The following NPHP3 variants were observed in gnomAD, a reference collection of about 807,000 sequenced individuals.
NPHP3 encodes the protein nephrocystin 3.
NPHP3 carries 123 observed loss-of-function variants against 171.9 expected under a neutral mutation model. The ratio of observed to expected loss-of-function variants is 0.72; its 90% CI spans 0.62 to 0.83. The LOEUF is 0.83. NPHP3 is among the 40% of genes least tolerant of loss of function. NPHP3 has a pLI of 0.00. For missense variants in NPHP3, 1,506 were observed against 1,591.9 expected, an observed-to-expected ratio of 0.95 and a Z score of 0.92; for synonymous variants, 558 against 579.2, an observed-to-expected ratio of 0.96 and a Z score of 0.52.
intron 17 of NPHP3, among the ~76,000 whole-genome samples, chr3:132,692,326 C>A (rs1378778066): frequency 6.6e-6 from 1 of 152,164 alleles, no homozygotes; most frequent in Non-Finnish European, 1.5e-5. Flanking sequence ...AATAATACCG[C>A]AATTCAATGA....
At chr3:132,710,533 G>A (rs1021180939) in intron 6 of NPHP3, among the ~76,000 whole-genome samples, 5 of 152,090 alleles carry the variant, frequency 3.3e-5, no homozygotes, top group South Asian at 4.1e-4. Flanking sequence ...CTCCTTCTAC[G>A]TAGGTTCAAG....
rs913198504 is a variant in NPHP3, at chr3:132,722,200, T to C, written c.156A>G (p.Ala52=). 2.3e-5 allele frequency: 34 copies of C among 1,510,210 alleles called. No individual in the cohort carries two copies. Among genetic ancestry groups the C allele is most frequent in the Non-Finnish European group, 8.8e-6 (10 of 1,138,322 alleles). 93.6% of individuals were successfully genotyped at this position (1,510,210 alleles called of 1,614,324 possible). The change falls in exon 1 of 27, where the codon GCA becomes GCG. Residue 52 remains alanine (A), a synonymous_variant. Coordinates refer to ENST00000337331, the MANE Select transcript of NPHP3 (RefSeq NM_153240.5). ...GCAGCGACCCGGGCCCGGCCCCTGC[T>C]GCCGCCCCCGCGCCTCGGCGGAACG... ...RNSFRRGAGA[A]AGAGPGSLPR...
intron 6 of NPHP3, among the ~76,000 whole-genome samples, chr3:132,709,076 A>T (rs1219446982): frequency 6.6e-6 from 1 of 152,050 alleles, no homozygotes; most frequent in Non-Finnish European, 1.5e-5. Context: ...CCTTATACCC[A>T]ATATATACTA....
rs114265827 is a variant in NPHP3, at chr3:132,698,863, C to T, written c.1985+490G>A. Among the ~76,000 whole-genome samples the T allele has an allele frequency of 6.1e-3, 931 of 152,158 alleles. 5 individuals are homozygous for T. Among genetic ancestry groups the T allele is most frequent in the African/African-American group, 0.021 (889 of 41,500 alleles). On this transcript the variant is annotated intron_variant, in intron 13 of 26. Coordinates refer to ENST00000337331, the MANE Select transcript of NPHP3 (RefSeq NM_153240.5). The stretch of plus-strand genomic sequence containing the variant: ...GAATCATCCTGGCTCTTTCTTTTCC[C>T]TTGCATCCCAGATCTATCTAACCTC...
In NPHP3 at chr3:132,722,402, A is replaced by T. The variant is rs746290103; in HGVS notation, c.-47T>A. ...CTAGTGAGTACCAGCAGGACTGGGCAGCGGAACGGAACGGGACGGGGTGGG... is the reference window on the plus strand; with the variant it reads ...CTAGTGAGTACCAGCAGGACTGGGCTGCGGAACGGAACGGGACGGGGTGGG... On this transcript the variant is annotated 5_prime_UTR_variant, in exon 1 of 27. Transcript: ENST00000337331. 4 of 1,542,130 alleles carry T rather than the reference A, an allele frequency of 2.6e-6. No individual in the cohort carries two copies. Among genetic ancestry groups the T allele is most frequent in the Non-Finnish European group, 3.5e-6 (4 of 1,153,116 alleles).
chr3:132,682,812 GT>G lies in NPHP3; in HGVS notation c.3702del (p.Lys1234AsnfsTer13). ...TCATATAATGGCAAAGCTTCAACGT[GT>G]TTTTTCTTATTAAAAAAAATGATAA... ...NLAVLYSQMK[K>X]HVEALPLYER... On this transcript the variant is annotated frameshift_variant, in exon 26 of 27. Transcript: ENST00000337331. LOFTEE classifies it high-confidence loss of function. 1 of 1,600,912 alleles carries G rather than the reference GT, an allele frequency of 6.2e-7. No individual in the cohort carries two copies. Among genetic ancestry groups the G allele is most frequent in the Non-Finnish European group, 8.6e-7 (1 of 1,168,114 alleles).
Position 132,708,112 on chromosome 3 carries a change from T to C in NPHP3, c.1264A>G (p.Ser422Gly). ...IDQVSNLNKTSKAKIIDHSGD... is the reference protein window; with the variant it reads ...IDQVSNLNKTGKAKIIDHSGD... ...CCTATGAATTTTACCTTGGCTTTGC[T>C]GGTCTTGTTTAGATTAGAAACTTGA... Residue 422 changes from serine (S) to glycine (G), a missense_variant, in exon 7 of 27, where the codon AGC (serine) becomes GGC (glycine). Ser to Gly is a moderately conservative substitution (Grantham distance 56). Transcript: ENST00000337331. 1 of 1,614,222 alleles carries C rather than the reference T, an allele frequency of 6.2e-7. No individual in the cohort carries two copies. Among genetic ancestry groups the C allele is most frequent in the Non-Finnish European group, 8.5e-7 (1 of 1,180,024 alleles).
chr3:132,703,886 C>T (rs1939680834), intron 9 of NPHP3, among the ~76,000 whole-genome samples: 1 of 152,190 alleles, frequency 6.6e-6, no homozygotes. Context: ...TGGCCTCAGC[C>T]TTACTATCCT....
chr3:132,706,546 T>C (rs1464053620), intron 7 of NPHP3, among the ~76,000 whole-genome samples: 1 of 152,156 alleles, frequency 6.6e-6, no homozygotes. Flanking sequence ...GTATACTATG[T>C]AGTCTCACTG....
chr3:132,697,112 T>C (rs1362405294), intron 14 of NPHP3, 148 bp downstream of exon 14: 9 of 703,326 alleles, frequency 1.3e-5, no homozygotes, highest in Non-Finnish European at 1.5e-5. Flanking sequence ...CTGTCATTAG[T>C]TTAAGAGGCA....
chr3:132,683,762 T>G (rs892023932), intron 24 of NPHP3, among the ~76,000 whole-genome samples: 2 of 152,226 alleles, frequency 1.3e-5, no homozygotes, highest in African/African-American at 4.8e-5. Flanking sequence ...ACTATTACTG[T>G]TTCTAGTGTA....
At chr3:132,692,898 T>C in intron 16 of NPHP3, 80 bp from the exon 17 acceptor site, 1 of 1,143,806 alleles carries the variant, frequency 8.7e-7, no homozygotes, top group Non-Finnish European at 1.3e-6. Flanking sequence ...CCATAATTCT[T>C]TTAAGGCTAT....
chr3:132,708,285 C>G, intron 6 of NPHP3, 28 bp from the exon 7 acceptor site: 1 of 1,609,084 alleles, frequency 6.2e-7, no homozygotes, highest in South Asian at 1.1e-5. Context: ...ATTTTGTGTG[C>G]TATACTGCAT....
chr3:132,688,559 C>G, intron 21 of NPHP3, 91 bp downstream of exon 21: 1 of 1,369,224 alleles, frequency 7.3e-7, no homozygotes, highest in South Asian at 1.2e-5. Flanking sequence ...AGGAAAAGTA[C>G]ACAGTGATAA....
chr3:132,710,210 A>T (rs1449626311), intron 6 of NPHP3, among the ~76,000 whole-genome samples: 4 of 152,166 alleles, frequency 2.6e-5, no homozygotes, highest in Non-Finnish European at 4.4e-5. Flanking sequence ...GAGGAGCTGC[A>T]AGAGAAGATG....
intron 4 of NPHP3, among the ~76,000 whole-genome samples, chr3:132,716,061 T>A (rs1333607802): frequency 1.3e-5 from 2 of 151,564 alleles, no homozygotes; most frequent in Non-Finnish European, 2.9e-5. Flanking sequence ...TTGTAAGACT[T>A]CTTATCAATT....
chr3:132,705,704 A>G, intron 8 of NPHP3, 36 bp downstream of exon 8: 2 of 1,076,216 alleles, frequency 1.9e-6, no homozygotes, highest in Non-Finnish European at 2.8e-6. Flanking sequence ...ATCTTAAAAT[A>G]TTTTAGATGA....
At chr3:132,690,720 A>G in intron 18 of NPHP3, 70 bp from the exon 19 acceptor site, 1 of 1,499,840 alleles carries the variant, frequency 6.7e-7, no homozygotes, top group Non-Finnish European at 9.3e-7. Flanking sequence ...GCTTCAGGCA[A>G]ATGTCAAAGG....
At chr3:132,705,927 T>G in intron 7 of NPHP3, 113 bp from the exon 8 acceptor site, 1 of 626,478 alleles carries the variant, frequency 1.6e-6, no homozygotes, top group Non-Finnish European at 2.9e-6. Flanking sequence ...ATTTAACACA[T>G]ATTAGCTAAT....
Sources: gnomAD v4.1 joint callset for allele counts (sites outside exome capture counted in the v4.1 genomes callset) on GRCh38, gnomAD v4.1.1 for gene constraint, MANE v1.5 for transcripts, NCBI Gene and HGNC (gene_info 2026-07-23, HGNC 2026-07-21) for gene names.